GXYLT2: variants seen among roughly 807,000 people sequenced by gnomAD.
GXYLT2 encodes glucoside xylosyltransferase 2.
A neutral mutation model predicts 45.8 loss-of-function variants in GXYLT2; 53 were observed. The ratio of observed to expected loss-of-function variants is 1.16; its 90% CI spans 0.93 to 1.46. The LOEUF is 1.46. GXYLT2 is among the 40% of genes most tolerant of loss of function. GXYLT2 has a pLI of 0.00. For synonymous variants in GXYLT2, 219 were observed against 214.2 expected, an observed-to-expected ratio of 1.02 and a Z score of -0.19; for missense variants, 551 against 544.4, an observed-to-expected ratio of 1.01 and a Z score of -0.12.
At chr3:72,958,563 T>C (rs574793321) in intron 5 of GXYLT2, among the ~76,000 whole-genome samples, 28 of 151,822 alleles carry the variant, frequency 1.8e-4, no homozygotes, top group Non-Finnish European at 3.2e-4. Flanking sequence ...ATACAGAGTT[T>C]CTTGGAAAGA....
At chr3:72,927,437 T>TTTGAAA (rs1709940174) in intron 3 of GXYLT2, among the ~76,000 whole-genome samples, 1 of 152,190 alleles carries the variant, frequency 6.6e-6, no homozygotes, top group South Asian at 2.1e-4. Flanking sequence ...CGGTAACTGG[T>TTTGAAA]TCTAATGTTT....
intron 3 of GXYLT2, among the ~76,000 whole-genome samples, chr3:72,923,782 G>A (rs1272629275): frequency 3.9e-5 from 6 of 152,172 alleles, no homozygotes; most frequent in Non-Finnish European, 8.8e-5. Context: ...GATCATAGAA[G>A]GTTCTCCTGA....
Position 72,976,181 on chromosome 3 carries a change from C to G in GXYLT2, c.*1022C>G, listed in dbSNP as rs1037286141. 6.6e-6 allele frequency: 1 copy of G among 152,142 alleles called. No homozygotes were observed. The highest frequency in any genetic ancestry group is 1.5e-5 in the Non-Finnish European group (1 of 68,042). The allele number at this position is 152,142 out of a possible 1,614,324, so 9.4% of individuals were successfully genotyped here. A position where few individuals can be genotyped will look rare whatever the true frequency, so the allele number is the denominator to read the frequency against. ...TCCAGACCTCAAGTGATCTGCCTGC[C>G]TCAGCCTCCCAAAGTGCTGGGATTA... On this transcript the variant is annotated 3_prime_UTR_variant, in exon 7 of 7. Transcript: ENST00000389617.
chr3:72,898,279 C>T (rs995462923), intron 1 of GXYLT2, among the ~76,000 whole-genome samples: 3 of 152,138 alleles, frequency 2.0e-5, no homozygotes, highest in African/African-American at 7.2e-5. Context: ...TAAAGTCTTT[C>T]ATGTTCTTTT....
At position 72,922,325 on chromosome 3, in the gene GXYLT2, T is replaced by C. The variant is rs371098866; in HGVS notation, c.590T>C (p.Leu197Pro). 157 of 1,610,656 alleles carry C rather than the reference T, an allele frequency of 9.7e-5. No individual in the cohort carries two copies. The highest frequency in any genetic ancestry group is 2.4e-4 in the Admixed American group (14 of 59,072). Residue 197 changes from leucine (L) to proline (P), a missense_variant, in exon 3 of 7, where the codon CTC becomes CCC. Physicochemically the swap from Leu to Pro is moderately conservative, Grantham distance 98. Coordinates refer to ENST00000389617, the MANE Select transcript of GXYLT2 (RefSeq NM_001080393.2). Reference sequence around the variant, plus strand: ...TTCAAACCCTGTGCTGCCCAGAGACTCTTTCTTCCGGTAGGAACACCTGTT... The same window carrying C: ...TTCAAACCCTGTGCTGCCCAGAGACCCTTTCTTCCGGTAGGAACACCTGTT... ...KLFKPCAAQR[L>P]FLPVILKDVD...
At chr3:72,941,084 G>A (rs114954291) in intron 3 of GXYLT2, among the ~76,000 whole-genome samples, 1 of 152,262 alleles carries the variant, frequency 6.6e-6, no homozygotes, top group South Asian at 2.1e-4. Context: ...AAAGACATTC[G>A]CATGCACCAG....
rs895344878 is a variant in GXYLT2 at position 72,976,835 on chromosome 3, T to G, written c.*1676T>G. On this transcript the variant is annotated 3_prime_UTR_variant, in exon 7 of 7. Coordinates refer to ENST00000389617, the MANE Select transcript of GXYLT2 (RefSeq NM_001080393.2). ...AACATATTGAATATAATTGCTATTC[T>G]GTAAGACATACAGTCTGTGTAAGAT... 1 of 152,246 alleles carries G rather than the reference T, an allele frequency of 6.6e-6. No homozygotes were observed. Among genetic ancestry groups the G allele is most frequent in the African/African-American group, 2.4e-5 (1 of 41,462 alleles). 9.4% of individuals were successfully genotyped at this position (152,246 alleles called of 1,614,324 possible).
intron 2 of GXYLT2, among the ~76,000 whole-genome samples, chr3:72,921,602 T>G (rs1245884908): frequency 6.6e-6 from 1 of 151,942 alleles, no homozygotes; most frequent in Non-Finnish European, 1.5e-5. Context: ...CTAATTTTTG[T>G]GTTTTTTAGT....
At position 72,975,926 on chromosome 3, in the gene GXYLT2, C is replaced by CTTTTTTTTT. The variant is rs200250227; in HGVS notation, c.*782_*790dup. ...GGGTATTTCTTCTTTTTCTTTCTTTCTTTTTTTTTTTTTTTTTTTTTTTGA... is the reference window on the plus strand; with the variant it reads ...GGGTATTTCTTCTTTTTCTTTCTTTCTTTTTTTTTTTTTTTTTTTTTTTTTTTTTTTTGA... On this transcript the variant is annotated 3_prime_UTR_variant, in exon 7 of 7. Coordinates refer to ENST00000389617, the MANE Select transcript of GXYLT2 (RefSeq NM_001080393.2). The CTTTTTTTTT allele has an allele frequency of 3.6e-4, 43 of 119,534 alleles. No homozygotes were observed. Among genetic ancestry groups the CTTTTTTTTT allele is most frequent in the African/African-American group, 1.0e-3 (32 of 30,558 alleles). 7.4% of individuals were successfully genotyped at this position (119,534 alleles called of 1,614,324 possible). A position where few individuals can be genotyped will look rare whatever the true frequency, so the allele number is the denominator to read the frequency against.
At chr3:72,903,746 G>A (rs554219628) in intron 1 of GXYLT2, among the ~76,000 whole-genome samples, 45 of 152,306 alleles carry the variant, frequency 3.0e-4, no homozygotes, top group Middle Eastern at 3.4e-3. Flanking sequence ...AATGGGTTCA[G>A]TGGGCATTTC....
At chr3:72,906,862 C>A (rs750665454) in intron 1 of GXYLT2, among the ~76,000 whole-genome samples, 1 of 152,162 alleles carries the variant, frequency 6.6e-6, no homozygotes, top group Non-Finnish European at 1.5e-5. Context: ...GTGAGAGATA[C>A]AAGTAGGAGC....
intron 1 of GXYLT2, among the ~76,000 whole-genome samples, chr3:72,894,976 G>A (rs775196689): frequency 1.3e-5 from 2 of 152,160 alleles, no homozygotes; most frequent in Non-Finnish European, 2.9e-5. Flanking sequence ...GCCAGGTCTC[G>A]TTTGCTGGCT....
chr3:72,976,601 G>A lies in GXYLT2; in HGVS notation c.*1442G>A, dbSNP rs1366361636. 6.6e-6 allele frequency: 1 copy of A among 152,242 alleles called. No homozygotes were observed. Among genetic ancestry groups the A allele is most frequent in the Non-Finnish European group, 1.5e-5 (1 of 68,046 alleles). 9.4% of individuals were successfully genotyped at this position (152,242 alleles called of 1,614,324 possible). A position where few individuals can be genotyped will look rare whatever the true frequency, so the allele number is the denominator to read the frequency against. On this transcript the variant is annotated 3_prime_UTR_variant, in exon 7 of 7. Transcript: ENST00000389617. Reference sequence around the variant, plus strand: ...TTTATCACCTCACTGCAAGGAGGAAGTTGAATATTCTGTTCCCCACGGGGA... The same window carrying A: ...TTTATCACCTCACTGCAAGGAGGAAATTGAATATTCTGTTCCCCACGGGGA...
intron 2 of GXYLT2, among the ~76,000 whole-genome samples, chr3:72,909,960 A>G (rs1037602292): frequency 1.6e-4 from 24 of 151,718 alleles, no homozygotes; most frequent in Middle Eastern, 6.8e-3. Flanking sequence ...TTTGAGTAGG[A>G]AAAAAAAAGT....
chr3:72,904,535 G>T (rs986973896), intron 1 of GXYLT2, among the ~76,000 whole-genome samples: 1 of 151,786 alleles, frequency 6.6e-6, no homozygotes, highest in African/African-American at 2.4e-5. Flanking sequence ...AATGATTGTC[G>T]TCCCTAGCCC....
At chr3:72,968,315 A>G (rs1710908383) in intron 6 of GXYLT2, among the ~76,000 whole-genome samples, 2 of 152,248 alleles carry the variant, frequency 1.3e-5, no homozygotes, top group Admixed American at 1.3e-4. Flanking sequence ...GCCTTTTGCC[A>G]TAGTGTAAGG....
intron 1 of GXYLT2, among the ~76,000 whole-genome samples, chr3:72,895,868 T>A (rs1709281078): frequency 6.6e-6 from 1 of 152,248 alleles, no homozygotes; most frequent in African/African-American, 2.4e-5. Context: ...ATCCCCCATC[T>A]CTTTTAGCAA....
At chr3:72,961,337 A>G (rs755002377) in intron 5 of GXYLT2, among the ~76,000 whole-genome samples, 3 of 152,136 alleles carry the variant, frequency 2.0e-5, no homozygotes, top group African/African-American at 7.2e-5. Context: ...ACACAGCTCC[A>G]CTCAGGCCAG....
At chr3:72,964,944 G>T (rs901900819) in intron 5 of GXYLT2, among the ~76,000 whole-genome samples, 1 of 152,176 alleles carries the variant, frequency 6.6e-6, no homozygotes, top group Non-Finnish European at 1.5e-5. Context: ...CAGTTCAAAA[G>T]CACTTTTAGA....
Sources: gnomAD v4.1 joint callset for allele counts (sites outside exome capture counted in the v4.1 genomes callset) on GRCh38, gnomAD v4.1.1 for gene constraint, MANE v1.5 for transcripts, NCBI Gene and HGNC (gene_info 2026-07-23, HGNC 2026-07-21) for gene names.